The following ACSM3 variants were observed in gnomAD, a reference collection of about 807,000 sequenced individuals.
The protein encoded by ACSM3 is acyl-coenzyme A synthetase ACSM3, mitochondrial.
A neutral mutation model predicts 74.1 loss-of-function variants in ACSM3; 61 were observed. The observed-to-expected ratio is 0.82, with a 90% CI of 0.67 to 1.02. The LOEUF (loss-of-function observed/expected upper bound fraction) is 1.02, where lower values mean the gene tolerates loss of function less well. ACSM3 is among the 50% of genes least tolerant of loss of function. The pLI is 0.00. For synonymous variants in ACSM3, 213 were observed against 241.5 expected, an observed-to-expected ratio of 0.88 and a Z score of 1.09; for missense variants, 660 against 697.0, an observed-to-expected ratio of 0.95 and a Z score of 0.60.
At chr16:20,738,054 A>C in intron 1 of ACSM3, 1 of 1,145,270 alleles carries the variant, frequency 8.7e-7, no homozygotes, top group Non-Finnish European at 1.3e-6. Context: ...AGTTGACAGA[A>C]GAAATTCTCA....
chr16:20,751,800 A>G (rs1022813891), intron 2 of ACSM3, among the ~76,000 whole-genome samples: 3 of 152,234 alleles, frequency 2.0e-5, no homozygotes, highest in African/African-American at 7.2e-5. Flanking sequence ...CAAAAATCAC[A>G]TTTAAGGGAT....
At chr16:20,742,362 A>G (rs191493166) in intron 1 of ACSM3, among the ~76,000 whole-genome samples, 1 of 152,282 alleles carries the variant, frequency 6.6e-6, no homozygotes, top group African/African-American at 2.4e-5. Context: ...CGCATTACAA[A>G]AAGAGCCAGG....
intron 1 of ACSM3, among the ~76,000 whole-genome samples, chr16:20,712,773 C>A (rs894900169): frequency 1.3e-5 from 2 of 150,996 alleles, no homozygotes; most frequent in African/African-American, 4.9e-5. Flanking sequence ...ATTAGCCAGG[C>A]GTGGTGGCAG....
intron 1 of ACSM3, among the ~76,000 whole-genome samples, chr16:20,697,129 G>C (rs2079693944): frequency 1.3e-5 from 2 of 152,154 alleles, no homozygotes; most frequent in Admixed American, 6.5e-5. Context: ...CTGGAGTGCA[G>C]TGGTGTGATC....
At position 20,716,559 on chromosome 16, in the gene ACSM3, G is replaced by A. The variant is rs377580529; in HGVS notation, c.-189-33351G>A. ...GCTTATAAACATGCTCTCCATTATCGCAAGCAGCAGAGCATATTCTATATG... is the reference window on the plus strand; with the variant it reads ...GCTTATAAACATGCTCTCCATTATCACAAGCAGCAGAGCATATTCTATATG... On this transcript the variant is annotated intron_variant, in intron 1 of 3. Transcript: ENST00000561584. 8.5e-5 allele frequency among the ~76,000 whole-genome samples: 13 copies of A among 152,190 alleles called. No individual in the cohort carries two copies. In the South Asian group the frequency reaches 1.0e-3, roughly 12 times the overall value.
rs892486788 is a variant in ACSM3, at chr16:20,739,183, T to C, written c.-189-10727T>C. The stretch of plus-strand genomic sequence containing the variant: ...GCAGGTGGCTCAGTATTGATTTTTT[T>C]TTTTTTTCTAAAGATGGAGTCTCGC... On this transcript the variant is annotated intron_variant, in intron 1 of 3. Coordinates refer to the ACSM3 transcript ENST00000561584. 16 of 1,127,446 alleles carry C rather than the reference T, an allele frequency of 1.4e-5. No individual in the cohort carries two copies. In the African/African-American group the frequency reaches 2.1e-4, roughly 15 times the overall value. 69.8% of individuals were successfully genotyped at this position (1,127,446 alleles called of 1,614,324 possible).
chr16:20,794,339 T>C (rs796600395), intron 12 of ACSM3, among the ~76,000 whole-genome samples: 12 of 152,306 alleles, frequency 7.9e-5, no homozygotes, highest in African/African-American at 2.9e-4. Context: ...ACATATCTCT[T>C]TGAGAATGTG....
chr16:20,789,434 G>T (rs2080544475), intron 9 of ACSM3: 7 of 1,360,778 alleles, frequency 5.1e-6, no homozygotes, highest in Non-Finnish European at 6.3e-6. Flanking sequence ...AGGGAATGAT[G>T]AGGATTGGAG....
Position 20,687,675 on chromosome 16 carries a change from G to A in ACSM3, c.-190+12853G>A, listed in dbSNP as rs74479874. ...ACTAGGCAAAGATTTTAAATCAATT[G>A]TCTTAAATATGCTCAAAGAGCTAAA... On this transcript the variant is annotated intron_variant, in intron 1 of 3. Coordinates refer to the ACSM3 transcript ENST00000561584. 4.0e-3 allele frequency among the ~76,000 whole-genome samples: 603 copies of A among 152,178 alleles called. 3 individuals are homozygous for A. The highest frequency in any genetic ancestry group is 0.013 in the African/African-American group (559 of 41,516).
At position 20,792,224 on chromosome 16, in the gene ACSM3, A is replaced by G; in HGVS notation, c.1455-12A>G. 2 of 1,614,062 alleles carry G rather than the reference A, an allele frequency of 1.2e-6. No homozygotes were observed. The highest frequency in any genetic ancestry group is 2.7e-5 in the African/African-American group (2 of 75,042). On this transcript the variant is annotated splice_polypyrimidine_tract_variant and intron_variant, in intron 11 of 13. Transcript: ENST00000289416. ...ACTCACCTGTATGTATTCCTGCCAT[A>G]TGTGTTTCTAGCTATCGAATTGGAC... is the stretch of plus-strand genomic sequence containing the variant.
intron 1 of ACSM3, among the ~76,000 whole-genome samples, chr16:20,702,348 G>A (rs2079714919): frequency 6.6e-6 from 1 of 152,210 alleles, no homozygotes; most frequent in Non-Finnish European, 1.5e-5. Context: ...GAATAGCTGG[G>A]ATTACAGGCA....
In ACSM3 at chr16:20,741,797, T is replaced by A; in HGVS notation, c.-189-8113T>A. Reference sequence around the variant, plus strand: ...TTCTCCGCTGCTGTTGGCGTCCTCGTCTATCGCCGGCGCGAACTGGTGACG... The same window carrying A: ...TTCTCCGCTGCTGTTGGCGTCCTCGACTATCGCCGGCGCGAACTGGTGACG... On this transcript the variant is annotated intron_variant, in intron 1 of 3. Coordinates refer to the ACSM3 transcript ENST00000561584. 6 of 1,546,728 alleles carry A rather than the reference T, an allele frequency of 3.9e-6. No individual in the cohort carries two copies. The South Asian group carries it at 5.9e-5, about 15-fold the overall frequency.
chr16:20,724,836 A>G (rs1382748416), intron 1 of ACSM3, among the ~76,000 whole-genome samples: 1 of 152,222 alleles, frequency 6.6e-6, no homozygotes, highest in African/African-American at 2.4e-5. Flanking sequence ...GATGTGAAGG[A>G]CCTCTTCAAG....
intron 1 of ACSM3, among the ~76,000 whole-genome samples, chr16:20,693,005 C>T (rs1567316678): frequency 2.6e-5 from 4 of 151,864 alleles, no homozygotes; most frequent in Admixed American, 6.6e-5. Flanking sequence ...CCTGTCTCTA[C>T]TAAAAATTTG....
At chr16:20,788,144 T>C (rs184665214) in intron 9 of ACSM3, among the ~76,000 whole-genome samples, 4 of 152,274 alleles carry the variant, frequency 2.6e-5, no homozygotes, top group Admixed American at 2.6e-4. Context: ...TTGAAAAGCT[T>C]ATCTAAGAAA....
In ACSM3 at chr16:20,788,092, TTTTA is replaced by T. The variant is rs536487835; in HGVS notation, c.1224+1950_1224+1953del. Among the ~76,000 whole-genome samples, 292 of 152,286 alleles carry T rather than the reference TTTTA, an allele frequency of 1.9e-3. 2 individuals are homozygous for T. Among genetic ancestry groups the T allele is most frequent in the African/African-American group, 6.6e-3 (273 of 41,562 alleles). On this transcript the variant is annotated intron_variant, in intron 9 of 13. Coordinates refer to ENST00000289416, the MANE Select transcript of ACSM3 (RefSeq NM_005622.4). ...ATTTACTTCTCCCTCACATTCCTCT[TTTTA>T]TTTATTTATTTATTTTTTTATTTTT...
intron 9 of ACSM3, among the ~76,000 whole-genome samples, chr16:20,787,464 A>G (rs951215807): frequency 1.3e-4 from 20 of 152,354 alleles, no homozygotes; most frequent in African/African-American, 4.6e-4. Context: ...TTGTTTGATC[A>G]TAAACATCAT....
At chr16:20,685,574 T>C (rs1038760643) in intron 1 of ACSM3, among the ~76,000 whole-genome samples, 12 of 151,982 alleles carry the variant, frequency 7.9e-5, no homozygotes, top group African/African-American at 2.9e-4. Context: ...GTAATTCCAG[T>C]ACTTTAGGAG....
Position 20,699,728 on chromosome 16 carries a change from CAAG to C in ACSM3, c.-190+24911_-190+24913del, listed in dbSNP as rs531392964. 1.3e-3 allele frequency among the ~76,000 whole-genome samples: 205 copies of C among 152,286 alleles called. 1 individual carries two copies. Among genetic ancestry groups the C allele is most frequent in the African/African-American group, 4.7e-3 (197 of 41,590 alleles). ...TGGAACTGCAACATGAAGGCATGGA[CAAG>C]AAGACAGGCTCTGGCACCAGGCAGC... On this transcript the variant is annotated intron_variant, in intron 1 of 3. Coordinates refer to the ACSM3 transcript ENST00000561584.
Sources: gnomAD v4.1 joint callset for allele counts (sites outside exome capture counted in the v4.1 genomes callset) on GRCh38, gnomAD v4.1.1 for gene constraint, MANE v1.5 for transcripts, NCBI Gene and HGNC (gene_info 2026-07-23, HGNC 2026-07-21) for gene names.